PTPN12: variants seen among roughly 807,000 people sequenced by gnomAD.
PTPN12 encodes the protein protein tyrosine phosphatase non-receptor type 12, also known as tyrosine-protein phosphatase non-receptor type 12.
PTPN12 carries 29 observed loss-of-function variants against 97.6 expected under a neutral mutation model. The ratio of observed to expected loss-of-function variants is 0.30; its 90% CI spans 0.22 to 0.41. PTPN12 has a LOEUF of 0.41. Ranked by LOEUF, PTPN12 falls within the 10% of genes least tolerant of loss-of-function variation. The probability of loss-of-function intolerance (pLI) is 1.00; values close to 1 mark genes in which losing one functional copy is unlikely to be tolerated. For missense variants in PTPN12, 819 were observed against 926.0 expected (o/e 0.88, Z 1.50); for synonymous variants, 327 against 300.4 (o/e 1.09, Z -0.91).
At chr7:77,583,825 A>G in intron 4 of PTPN12, 175 bp downstream of exon 4, 1 of 467,330 alleles carries the variant, frequency 2.1e-6, no homozygotes, top group South Asian at 3.0e-5. Context: ...AATTTTTACA[A>G]ACTAGGCTAA....
In PTPN12 at chr7:77,635,906, C is replaced by G; in HGVS notation, c.2142+57C>G. On this transcript the variant is annotated intron_variant, in intron 15 of 17. Coordinates refer to ENST00000248594, the MANE Select transcript of PTPN12 (RefSeq NM_002835.4). ...CTTAACATTTCTACTCTTTTGTTAACTAATCTTGCAGTTGTTGAAATAGCT... is the reference window on the plus strand; with the variant it reads ...CTTAACATTTCTACTCTTTTGTTAAGTAATCTTGCAGTTGTTGAAATAGCT... The G allele has an allele frequency of 5.9e-6, 7 of 1,188,702 alleles. No individual in the cohort carries two copies. The Middle Eastern group carries it at 1.4e-3, about 237-fold the overall frequency. The allele number at this position is 1,188,702 out of a possible 1,614,324, so 73.6% of individuals were successfully genotyped here.
At chr7:77,591,608 G>C (rs1787868694) in intron 5 of PTPN12, among the ~76,000 whole-genome samples, 1 of 152,076 alleles carries the variant, frequency 6.6e-6, no homozygotes, top group South Asian at 2.1e-4. Flanking sequence ...TGGTACATTT[G>C]AAATACACTG....
intron 1 of PTPN12, among the ~76,000 whole-genome samples, chr7:77,565,019 G>A (rs892700209): frequency 1.3e-5 from 2 of 152,050 alleles, no homozygotes; most frequent in Non-Finnish European, 2.9e-5. Context: ...GCCTCCCAAA[G>A]TGCTGGGATT....
At chr7:77,619,889 A>G (rs1788874386) in intron 12 of PTPN12, among the ~76,000 whole-genome samples, 1 of 152,168 alleles carries the variant, frequency 6.6e-6, no homozygotes, top group African/African-American at 2.4e-5. Flanking sequence ...CGAGATGTTA[A>G]CTGTGTGCTA....
chr7:77,575,988 A>G (rs1183902116), intron 2 of PTPN12, among the ~76,000 whole-genome samples: 3 of 151,990 alleles, frequency 2.0e-5, no homozygotes, highest in Admixed American at 6.6e-5. Context: ...AGTAGCTGGG[A>G]TTATAGGCGC....
chr7:77,605,719 C>T (rs1788349153), intron 8 of PTPN12, among the ~76,000 whole-genome samples: 1 of 151,844 alleles, frequency 6.6e-6, no homozygotes, highest in South Asian at 2.1e-4. Flanking sequence ...CTGAGCCCAG[C>T]CTGTCATGTT....
rs374837440 is a variant in PTPN12 at position 77,627,151 on chromosome 7, C to G, written c.1472C>G (p.Ser491Cys). 12 of 1,614,108 alleles carry G rather than the reference C, an allele frequency of 7.4e-6. No individual in the cohort carries two copies. Among genetic ancestry groups the G allele is most frequent in the Non-Finnish European group, 9.3e-6 (11 of 1,179,982 alleles). The change falls in exon 13 of 18, where the codon TCC (serine) becomes TGC (cysteine). Residue 491 changes from serine (S) to cysteine (C), a missense_variant. Ser to Cys is a moderately radical substitution (Grantham distance 112). Coordinates refer to ENST00000248594, the MANE Select transcript of PTPN12 (RefSeq NM_002835.4). ...TCAGATCTAAATGTCGGTGATACTT[C>G]CCAGAATTCTTGTGTGGACTGCAGT... ...LSSDLNVGDT[S>C]QNSCVDCSVT...
At position 77,537,376 on chromosome 7, in the gene PTPN12, C is replaced by A; in HGVS notation, c.-171C>A. 1 of 958,940 alleles carries A rather than the reference C, an allele frequency of 1.0e-6. No homozygotes were observed. The highest frequency in any genetic ancestry group is 2.1e-5 in the South Asian group (1 of 48,632). The allele number at this position is 958,940 out of a possible 1,614,324, so 59.4% of individuals were successfully genotyped here. On this transcript the variant is annotated 5_prime_UTR_variant, in exon 1 of 18. Coordinates refer to ENST00000248594, the MANE Select transcript of PTPN12 (RefSeq NM_002835.4). ...GTGGTGTCGGGAGCCCAGCCGGTGC[C>A]GCCGCAGCCGCCGCCTAGGGCGGTG...
chr7:77,634,442 A>T (rs1162902567), intron 14 of PTPN12, among the ~76,000 whole-genome samples: 1 of 151,144 alleles, frequency 6.6e-6, no homozygotes, highest in Non-Finnish European at 1.5e-5. Context: ...TTTATTTTTT[A>T]TTTATTCATT....
Position 77,608,883 on chromosome 7 carries a change from A to G in PTPN12, c.762+1582A>G, listed in dbSNP as rs115733959. Among the ~76,000 whole-genome samples the G allele has an allele frequency of 5.7e-3, 872 of 152,348 alleles. 9 individuals carry two copies. Among genetic ancestry groups the G allele is most frequent in the African/African-American group, 0.019 (795 of 41,576 alleles). On this transcript the variant is annotated intron_variant, in intron 9 of 17. Coordinates refer to ENST00000248594, the MANE Select transcript of PTPN12 (RefSeq NM_002835.4). ...AAAATTGGAATGAGAAGGGACACAT[A>G]AATGAATGCTAGCAAACAAAACAAA...
intron 4 of PTPN12, 21 bp from the exon 5 acceptor site, chr7:77,585,522 C>T (rs528655697): frequency 1.9e-6 from 3 of 1,599,000 alleles, no homozygotes; most frequent in South Asian, 1.1e-5. Context: ...CTTTATCTCA[C>T]TCCCCACCAT....
intron 12 of PTPN12, among the ~76,000 whole-genome samples, chr7:77,621,585 C>T (rs1207610229): frequency 6.6e-6 from 1 of 151,970 alleles, no homozygotes; most frequent in African/African-American, 2.4e-5. Context: ...AAAAGAATTG[C>T]TTGAACCCGG....
At chr7:77,633,883 TGTG>T (rs1039325628) in intron 14 of PTPN12, among the ~76,000 whole-genome samples, 8 of 151,662 alleles carry the variant, frequency 5.3e-5, no homozygotes, top group Middle Eastern at 3.4e-3. Flanking sequence ...ACTGTCCAGT[TGTG>T]GTGGTGGGCG....
Position 77,556,638 on chromosome 7 carries a change from A to G in PTPN12, c.100-14440A>G, listed in dbSNP as rs1475535475. 3.9e-5 allele frequency among the ~76,000 whole-genome samples: 6 copies of G among 152,130 alleles called. No homozygotes were observed. The East Asian group carries it at 7.8e-4, about 20-fold the overall frequency. On this transcript the variant is annotated intron_variant, in intron 1 of 17. Transcript: ENST00000248594. ...GCTGAGGCTGGTGGATCACAAGGTC[A>G]AGAGATAGAGACCATCCTGGCCAAC...
chr7:77,537,757 G>A, intron 1 of PTPN12, 112 bp downstream of exon 1: 1 of 1,188,872 alleles, frequency 8.4e-7, no homozygotes, highest in Admixed American at 3.3e-5. Context: ...AGGGGCGGAG[G>A]GGGCGCGCAC....
At chr7:77,630,827 A>G (rs1019578736) in intron 13 of PTPN12, among the ~76,000 whole-genome samples, 5 of 152,250 alleles carry the variant, frequency 3.3e-5, no homozygotes, top group Non-Finnish European at 5.9e-5. Flanking sequence ...GCAAAAGCCT[A>G]TATAAAATAC....
intron 1 of PTPN12, among the ~76,000 whole-genome samples, chr7:77,554,523 AAAAT>A: frequency 6.6e-6 from 1 of 152,374 alleles, no homozygotes; most frequent in African/African-American, 2.4e-5. Flanking sequence ...ATTAATAAGA[AAAAT>A]AAAAGTTTTA....
chr7:77,552,560 G>A (rs1175492897), intron 1 of PTPN12, among the ~76,000 whole-genome samples: 4 of 152,096 alleles, frequency 2.6e-5, no homozygotes, highest in Admixed American at 2.6e-4. Flanking sequence ...TTATTATTTT[G>A]CCTTTAAAAC....
At chr7:77,583,675 A>C in intron 4 of PTPN12, 25 bp downstream of exon 4, 1 of 1,381,648 alleles carries the variant, frequency 7.2e-7, no homozygotes, top group Non-Finnish European at 1.0e-6. Flanking sequence ...TTTCACAATA[A>C]ATTTTGAGAA....
Sources: gnomAD v4.1 joint callset for allele counts (sites outside exome capture counted in the v4.1 genomes callset) on GRCh38, gnomAD v4.1.1 for gene constraint, MANE v1.5 for transcripts, NCBI Gene and HGNC (gene_info 2026-07-23, HGNC 2026-07-21) for gene names.